The following ERC2 variants were observed in gnomAD, a reference collection of about 807,000 sequenced individuals.
ERC2 encodes ERC protein 2.
In ERC2, 42 loss-of-function variants were observed where a neutral mutation model predicts 114.8. The observed-to-expected ratio is 0.37, with a 90% CI of 0.29 to 0.47. ERC2 has a LOEUF of 0.47. Among genes scored for constraint, ERC2 ranks in the 20% least tolerant of loss-of-function variants. The pLI is 0.99. For synonymous variants in ERC2, 454 were observed against 425.5 expected (o/e 1.07, Z -0.82); for missense variants, 939 against 1,150.7 (o/e 0.82, Z 2.66).
At chr3:56,109,185 C>T (rs1208778127) in intron 6 of ERC2, among the ~76,000 whole-genome samples, 2 of 152,030 alleles carry the variant, frequency 1.3e-5, no homozygotes, top group African/African-American at 4.8e-5. Context: ...CTCCCACCTT[C>T]TACCTTCAGG....
chr3:56,265,671 T>C (rs1560486967), intron 3 of ERC2, among the ~76,000 whole-genome samples: 1 of 152,052 alleles, frequency 6.6e-6, no homozygotes, highest in African/African-American at 2.4e-5. Flanking sequence ...AGCCTATGGA[T>C]TGGGAGAAAA....
At chr3:55,788,946 A>T (rs972407633) in intron 14 of ERC2, among the ~76,000 whole-genome samples, 6 of 152,150 alleles carry the variant, frequency 3.9e-5, no homozygotes, top group Admixed American at 6.5e-5. Flanking sequence ...GTAGCTTCCC[A>T]GTCACCTCCC....
chr3:55,911,184 A>G (rs1400433034), intron 13 of ERC2, among the ~76,000 whole-genome samples: 1 of 152,218 alleles, frequency 6.6e-6, no homozygotes, highest in Non-Finnish European at 1.5e-5. Context: ...AAATTTAAAA[A>G]AGAAAATCAC....
At chr3:55,595,810 C>T (rs2058098572) in intron 17 of ERC2, among the ~76,000 whole-genome samples, 1 of 152,304 alleles carries the variant, frequency 6.6e-6, no homozygotes, top group South Asian at 2.1e-4. Flanking sequence ...TATCTATAAA[C>T]CATGAGAGTA....
At chr3:56,213,464 G>C (rs1037921540) in intron 3 of ERC2, among the ~76,000 whole-genome samples, 7 of 152,188 alleles carry the variant, frequency 4.6e-5, no homozygotes, top group African/African-American at 1.2e-4. Flanking sequence ...AGAGAGGCTG[G>C]GGGAGGGGCG....
chr3:55,593,312 T>A (rs533105649), intron 17 of ERC2, among the ~76,000 whole-genome samples: 2 of 152,082 alleles, frequency 1.3e-5, no homozygotes, highest in Non-Finnish European at 2.9e-5. Flanking sequence ...GGAGGTCCCA[T>A]GGGGGTGTGG....
chr3:56,447,792 GAGTGC>G (rs982162542), intron 1 of ERC2, among the ~76,000 whole-genome samples: 1 of 151,864 alleles, frequency 6.6e-6, no homozygotes, highest in African/African-American at 2.4e-5. Context: ...ACCCAGGCTG[GAGTGC>G]AGTGGTGTGA....
intron 7 of ERC2, among the ~76,000 whole-genome samples, chr3:56,023,846 G>C (rs1427072020): frequency 8.0e-6 from 1 of 124,334 alleles, no homozygotes. Flanking sequence ...AAAAGGAAGA[G>C]GCCAGAGTAG....
intron 17 of ERC2, among the ~76,000 whole-genome samples, chr3:55,590,532 T>A (rs138610845): frequency 6.9e-4 from 105 of 152,324 alleles, no homozygotes; most frequent in African/African-American, 2.4e-3. Flanking sequence ...AATATGATTT[T>A]TCCATAGAAT....
At chr3:56,122,585 T>C (rs890715415) in intron 6 of ERC2, among the ~76,000 whole-genome samples, 5 of 152,130 alleles carry the variant, frequency 3.3e-5, no homozygotes, top group African/African-American at 1.2e-4. Context: ...GTTGTCTTAT[T>C]TTGGCCCATT....
chr3:55,713,557 G>T (rs1048565304), intron 15 of ERC2, among the ~76,000 whole-genome samples: 1 of 152,124 alleles, frequency 6.6e-6, no homozygotes, highest in African/African-American at 2.4e-5. Context: ...GACTAAATTT[G>T]GGTCTATAGT....
At chr3:55,527,583 C>T (rs941709028) in intron 17 of ERC2, among the ~76,000 whole-genome samples, 15 of 152,164 alleles carry the variant, frequency 9.9e-5, no homozygotes, top group Admixed American at 3.3e-4. Context: ...ATAAGAGAAT[C>T]TGAAGTTCAG....
intron 14 of ERC2, among the ~76,000 whole-genome samples, chr3:55,819,270 A>T (rs1575704771): frequency 6.6e-6 from 1 of 152,146 alleles, no homozygotes; most frequent in Non-Finnish European, 1.5e-5. Context: ...ACATGGCAAA[A>T]CCTCGACTTG....
At chr3:56,331,999 C>A (rs1486174373) in intron 2 of ERC2, among the ~76,000 whole-genome samples, 1 of 152,176 alleles carries the variant, frequency 6.6e-6, no homozygotes, top group Non-Finnish European at 1.5e-5. Context: ...GGTGAACTCA[C>A]TCCCATGTGC....
chr3:55,563,859 A>G (rs1053134953), intron 17 of ERC2, among the ~76,000 whole-genome samples: 7 of 152,206 alleles, frequency 4.6e-5, no homozygotes, highest in African/African-American at 1.7e-4. Context: ...CCTCAGTAAC[A>G]TTAGCCAATA....
intron 2 of ERC2, among the ~76,000 whole-genome samples, chr3:56,320,752 T>G (rs911031573): frequency 5.3e-5 from 8 of 152,186 alleles, no homozygotes; most frequent in African/African-American, 1.9e-4. Flanking sequence ...AAATAAGTAC[T>G]TATGCATAAA....
intron 14 of ERC2, among the ~76,000 whole-genome samples, chr3:55,777,347 AT>A (rs1337275722): frequency 6.6e-6 from 1 of 152,174 alleles, no homozygotes; most frequent in African/African-American, 2.4e-5. Flanking sequence ...TGAAAATGAA[AT>A]TTCATGTGGT....
intron 16 of ERC2, among the ~76,000 whole-genome samples, chr3:55,684,725 G>A (rs186253045): frequency 6.6e-6 from 1 of 152,282 alleles, no homozygotes; most frequent in Admixed American, 6.5e-5. Context: ...AGAGGGAAAT[G>A]GAATCTTTGA....
At chr3:55,537,134 G>A (rs376451035) in intron 17 of ERC2, among the ~76,000 whole-genome samples, 1 of 152,166 alleles carries the variant, frequency 6.6e-6, no homozygotes, top group South Asian at 2.1e-4. Flanking sequence ...CTGGGAGGCC[G>A]CATGGGCTCC....
Sources: allele counts gnomAD v4.1 joint callset (sites outside exome capture counted in the v4.1 genomes callset), GRCh38; gene constraint gnomAD v4.1.1; transcripts MANE v1.5; gene names NCBI Gene and HGNC (gene_info 2026-07-23, HGNC 2026-07-21).